Variants in DAB1 observed in about 807,000 individuals in gnomAD.
DAB1 encodes DAB adaptor protein 1.
DAB1 carries 15 observed loss-of-function variants against 64.6 expected under a neutral mutation model. The ratio of observed to expected loss-of-function variants is 0.23; its 90% confidence interval spans 0.16 to 0.36. The LOEUF is 0.36. DAB1 is among the 10% of genes least tolerant of loss of function. DAB1 has a pLI of 1.00. For synonymous variants in DAB1, 235 were observed against 251.9 expected (o/e 0.93, Z 0.64); for missense variants, 596 against 706.7 (o/e 0.84, Z 1.78).
chr1:57,837,226 T>C (rs908355521), intron 1 of DAB1, among the ~76,000 whole-genome samples: 3 of 152,228 alleles, frequency 2.0e-5, no homozygotes, highest in African/African-American at 7.2e-5. Context: ...AATCTGATTG[T>C]GACACTTTCC....
At chr1:58,300,402 C>T (rs572235555) in intron 4 of DAB1, among the ~76,000 whole-genome samples, 9 of 151,780 alleles carry the variant, frequency 5.9e-5, no homozygotes, top group African/African-American at 2.2e-4. Flanking sequence ...AAAAAATTAG[C>T]CAGGCGTAGT....
intron 6 of DAB1, among the ~76,000 whole-genome samples, chr1:57,748,645 C>T (rs1446633170): frequency 6.6e-6 from 1 of 152,134 alleles, no homozygotes; most frequent in Admixed American, 6.5e-5. Context: ...GGAGACATTT[C>T]AAATAACTAG....
At chr1:58,018,821 C>G (rs1646778650) in intron 5 of DAB1, among the ~76,000 whole-genome samples, 1 of 152,070 alleles carries the variant, frequency 6.6e-6, no homozygotes, top group African/African-American at 2.4e-5. Context: ...TATAAAACTC[C>G]TATGGGTAAG....
At chr1:58,117,660 T>C (rs1348442906) in intron 5 of DAB1, among the ~76,000 whole-genome samples, 4 of 152,256 alleles carry the variant, frequency 2.6e-5, no homozygotes, top group Admixed American at 6.5e-5. Context: ...CCCAAATATA[T>C]AGTCCTGAAG....
chr1:57,126,961 A>G (rs1359945352), intron 4 of DAB1, among the ~76,000 whole-genome samples: 2 of 152,166 alleles, frequency 1.3e-5, no homozygotes, highest in Non-Finnish European at 2.9e-5. Flanking sequence ...CCTTTACTGT[A>G]ACCAGAACTA....
intron 7 of DAB1, among the ~76,000 whole-genome samples, chr1:57,588,563 T>C (rs892830544): frequency 6.6e-6 from 1 of 152,228 alleles, no homozygotes; most frequent in Non-Finnish European, 1.5e-5. Flanking sequence ...GTCCTCTCCT[T>C]ATCTGCTTAC....
intron 1 of DAB1, among the ~76,000 whole-genome samples, chr1:57,394,656 C>CAATTTT (rs1381087804): frequency 2.6e-5 from 4 of 152,198 alleles, no homozygotes; most frequent in Admixed American, 6.5e-5. Flanking sequence ...TCTGGGAACA[C>CAATTTT]AATTTTAATA....
chr1:57,978,613 A>T (rs917983789), intron 5 of DAB1, among the ~76,000 whole-genome samples: 1 of 152,212 alleles, frequency 6.6e-6, no homozygotes, highest in Non-Finnish European at 1.5e-5. Context: ...AGAAACTATC[A>T]TCAGAGTCAA....
chr1:58,167,744 A>AAT (rs1378603010), intron 4 of DAB1, among the ~76,000 whole-genome samples: 9 of 152,206 alleles, frequency 5.9e-5, no homozygotes, highest in South Asian at 4.1e-4. Flanking sequence ...CACCAGGAGG[A>AAT]ATAAACAACT....
intron 4 of DAB1, among the ~76,000 whole-genome samples, chr1:58,301,399 A>G (rs1662166272): frequency 6.6e-6 from 1 of 152,186 alleles, no homozygotes; most frequent in South Asian, 2.1e-4. Flanking sequence ...TGTCCAATCC[A>G]CAGCCCACGG....
chr1:57,431,154 A>AAAAAAG (rs1558372189), intron 7 of DAB1, among the ~76,000 whole-genome samples: 2 of 151,606 alleles, frequency 1.3e-5, no homozygotes, highest in African/African-American at 2.4e-5. Flanking sequence ...AAAAAAAAAA[A>AAAAAAG]AAAGAAAAAC....
intron 3 of DAB1, among the ~76,000 whole-genome samples, chr1:58,359,595 C>T (rs1360521665): frequency 2.6e-5 from 4 of 151,432 alleles, no homozygotes; most frequent in Admixed American, 6.6e-5. Flanking sequence ...AAACCTAAGG[C>T]GTACCTACCA....
chr1:57,554,863 A>G (rs950062459), intron 7 of DAB1, among the ~76,000 whole-genome samples: 4 of 152,094 alleles, frequency 2.6e-5, no homozygotes, highest in African/African-American at 9.7e-5. Flanking sequence ...AAATATTACA[A>G]TGTAGAAAGT....
chr1:57,072,557 G>C, intron 4 of DAB1, 143 bp from the exon 5 acceptor site: 1 of 756,546 alleles, frequency 1.3e-6, no homozygotes, highest in Non-Finnish European at 2.1e-6. Context: ...AAGAAAAAGA[G>C]CTATGCCTGT....
chr1:57,931,704 T>C (rs1379035035), intron 5 of DAB1, among the ~76,000 whole-genome samples: 1 of 152,184 alleles, frequency 6.6e-6, no homozygotes, highest in African/African-American at 2.4e-5. Context: ...TCTCCTCTTT[T>C]ATTTCTTATA....
chr1:58,543,271 G>A (rs2100503223), intron 1 of DAB1, among the ~76,000 whole-genome samples: 1 of 152,286 alleles, frequency 6.6e-6, no homozygotes, highest in Non-Finnish European at 1.5e-5. Flanking sequence ...TAAATTGACA[G>A]CATTTTAATA....
intron 4 of DAB1, among the ~76,000 whole-genome samples, chr1:58,316,030 G>A (rs1339408886): frequency 6.6e-6 from 1 of 152,198 alleles, no homozygotes; most frequent in Admixed American, 6.5e-5. Context: ...TAAATCCTAA[G>A]TACTACTGCA....
intron 4 of DAB1, among the ~76,000 whole-genome samples, chr1:58,235,510 C>A (rs1327549739): frequency 1.3e-5 from 2 of 152,092 alleles, no homozygotes; most frequent in East Asian, 3.8e-4. Flanking sequence ...AGCCCTGAAC[C>A]CTAGTTTTGG....
chr1:57,378,250 G>T (rs531387131), intron 1 of DAB1, among the ~76,000 whole-genome samples: 1 of 152,284 alleles, frequency 6.6e-6, no homozygotes, highest in East Asian at 1.9e-4. Context: ...AAGGGGCACT[G>T]TCTCCAACAA....
Sources: gnomAD v4.1 joint callset for allele counts (sites outside exome capture counted in the v4.1 genomes callset) on GRCh38, gnomAD v4.1.1 for gene constraint, MANE v1.5 for transcripts, NCBI Gene and HGNC (gene_info 2026-07-23, HGNC 2026-07-21) for gene names.